EFNA5: variants seen among roughly 807,000 people sequenced by gnomAD.
EFNA5 encodes ephrin A5, also known as ephrin-A5.
In EFNA5, 5 loss-of-function variants were observed where a neutral mutation model predicts 22.9. That is an observed-to-expected ratio of 0.22 (90% confidence interval 0.11 to 0.46). EFNA5 has a LOEUF of 0.46. EFNA5 is among the 20% of genes least tolerant of loss of function. EFNA5 has a pLI of 0.99. For synonymous variants in EFNA5, 113 were observed against 112.2 expected (o/e 1.01, Z -0.04); for missense variants, 237 against 293.3 (o/e 0.81, Z 1.40).
chr5:107,547,348 G>A (rs887589123), intron 1 of EFNA5, among the ~76,000 whole-genome samples: 5 of 152,104 alleles, frequency 3.3e-5, no homozygotes, highest in Non-Finnish European at 5.9e-5. Context: ...AAATCAAGAT[G>A]GGTTTGCTGT....
chr5:107,414,637 G>C (rs1463031045), intron 2 of EFNA5, among the ~76,000 whole-genome samples: 1 of 152,076 alleles, frequency 6.6e-6, no homozygotes, highest in Non-Finnish European at 1.5e-5. Flanking sequence ...GCCTCAAGTA[G>C]AGTTTAATAA....
chr5:107,483,604 C>T (rs1374931679), intron 1 of EFNA5, among the ~76,000 whole-genome samples: 1 of 152,172 alleles, frequency 6.6e-6, no homozygotes, highest in African/African-American at 2.4e-5. Flanking sequence ...GAAATAGATA[C>T]ATATGTGTAC....
In EFNA5 at chr5:107,525,276, A is replaced by G. The variant is rs138514464; in HGVS notation, c.126-97767T>C. 8.0e-3 allele frequency among the ~76,000 whole-genome samples: 1,213 copies of G among 152,354 alleles called. 7 individuals carry two copies. The highest frequency in any genetic ancestry group is 0.012 in the Non-Finnish European group (803 of 68,030). ...ATACAGTTCTTGGCACACAGTGTAT[A>G]TAGATATGTGTGTGTGTATATATGT... On this transcript the variant is annotated intron_variant, in intron 1 of 4. Coordinates refer to ENST00000333274, the MANE Select transcript of EFNA5 (RefSeq NM_001962.3).
chr5:107,519,264 T>C (rs1471394357), intron 1 of EFNA5, among the ~76,000 whole-genome samples: 3 of 152,254 alleles, frequency 2.0e-5, no homozygotes, highest in Non-Finnish European at 2.9e-5. Context: ...GGTCCAATTG[T>C]TGATTCTGCT....
At chr5:107,516,174 TTGTG>T (rs59824895) in intron 1 of EFNA5, among the ~76,000 whole-genome samples, 10,561 of 139,576 alleles carry the variant, frequency 0.076, 460 homozygotes, top group African/African-American at 0.13. Flanking sequence ...CTGGCTAGTT[TTGTG>T]TGTGTGTGTG....
chr5:107,550,886 C>T (rs1252484795), intron 1 of EFNA5, among the ~76,000 whole-genome samples: 1 of 152,108 alleles, frequency 6.6e-6, no homozygotes, highest in Non-Finnish European at 1.5e-5. Context: ...AAATGAAAAA[C>T]AATCAGTTTC....
At chr5:107,560,808 C>T (rs1313623739) in intron 1 of EFNA5, among the ~76,000 whole-genome samples, 11 of 152,166 alleles carry the variant, frequency 7.2e-5, no homozygotes. Flanking sequence ...TTAGACAATG[C>T]ATGGAGTGAG....
At chr5:107,575,518 T>C (rs1027023214) in intron 1 of EFNA5, among the ~76,000 whole-genome samples, 1 of 152,186 alleles carries the variant, frequency 6.6e-6, no homozygotes, top group Non-Finnish European at 1.5e-5. Context: ...TCATGCAGTT[T>C]TAAATGTTTT....
rs555097601 is a variant in EFNA5, at chr5:107,517,756, T to C, written c.126-90247A>G. Among the ~76,000 whole-genome samples the C allele has an allele frequency of 3.3e-5, 5 of 152,318 alleles. No individual in the cohort carries two copies. In the East Asian group the frequency reaches 9.7e-4, roughly 29 times the overall value. ...GTGAGAACAAACGAAGCAGGCTACG[T>C]AAAAGACTTTTTCAAAAATAAGGTT... On this transcript the variant is annotated intron_variant, in intron 1 of 4. Transcript: ENST00000333274.
chr5:107,633,403 A>G (rs1276664031), intron 1 of EFNA5, among the ~76,000 whole-genome samples: 3 of 152,208 alleles, frequency 2.0e-5, no homozygotes, highest in Non-Finnish European at 4.4e-5. Flanking sequence ...ACAAGATGCC[A>G]AGTAAGCCCA....
At chr5:107,559,154 A>C (rs958855184) in intron 1 of EFNA5, among the ~76,000 whole-genome samples, 1 of 152,058 alleles carries the variant, frequency 6.6e-6, no homozygotes, top group Admixed American at 6.6e-5. Context: ...TTCCCTATGC[A>C]ACTTTCCTTC....
intron 2 of EFNA5, among the ~76,000 whole-genome samples, chr5:107,391,037 T>G (rs1044252014): frequency 6.6e-6 from 1 of 152,162 alleles, no homozygotes; most frequent in Non-Finnish European, 1.5e-5. Context: ...CACACACTTG[T>G]AATCCCAGCT....
chr5:107,384,760 C>G (rs1459066409), intron 4 of EFNA5, among the ~76,000 whole-genome samples: 1 of 136,648 alleles, frequency 7.3e-6, no homozygotes, highest in Admixed American at 8.0e-5. Context: ...TAAAGGCACA[C>G]ACACCACATT....
chr5:107,489,590 C>T (rs557214926), intron 1 of EFNA5, among the ~76,000 whole-genome samples: 1 of 151,982 alleles, frequency 6.6e-6, no homozygotes, highest in Admixed American at 6.6e-5. Flanking sequence ...CTAAAAGGTA[C>T]CTGGAACCTC....
intron 1 of EFNA5, among the ~76,000 whole-genome samples, chr5:107,554,734 G>A (rs901915376): frequency 6.6e-6 from 1 of 152,134 alleles, no homozygotes; most frequent in Non-Finnish European, 1.5e-5. Context: ...TTCACTATCA[G>A]TAATAACCCT....
chr5:107,411,812 C>T (rs1425817796), intron 2 of EFNA5, among the ~76,000 whole-genome samples: 3 of 152,172 alleles, frequency 2.0e-5, no homozygotes, highest in African/African-American at 4.8e-5. Flanking sequence ...GCTCGAGCGA[C>T]TCTCCTGCCT....
At chr5:107,515,437 G>A (rs374357329) in intron 1 of EFNA5, among the ~76,000 whole-genome samples, 103 of 148,258 alleles carry the variant, frequency 6.9e-4, no homozygotes, top group Middle Eastern at 7.6e-3. Context: ...AGAGTGCAGT[G>A]GCACAATCTC....
chr5:107,587,432 T>C (rs923422535), intron 1 of EFNA5, among the ~76,000 whole-genome samples: 17 of 152,318 alleles, frequency 1.1e-4, no homozygotes, highest in Admixed American at 4.6e-4. Context: ...AAATCAAGCA[T>C]TTACACTTGA....
Position 107,577,242 on chromosome 5 carries a change from G to A in EFNA5, c.125+93247C>T, listed in dbSNP as rs1213971849. Among the ~76,000 whole-genome samples, 3 of 152,052 alleles carry A rather than the reference G, an allele frequency of 2.0e-5. No individual in the cohort carries two copies. In the South Asian group the frequency reaches 6.2e-4, roughly 32 times the overall value. ...GGTCACTCTGAAACAAGTCAATTGT[G>A]AACATAAAACTCAAATCTTGCTTGG... On this transcript the variant is annotated intron_variant, in intron 1 of 4. Coordinates refer to ENST00000333274, the MANE Select transcript of EFNA5 (RefSeq NM_001962.3).
Sources: gnomAD v4.1 joint callset for allele counts (sites outside exome capture counted in the v4.1 genomes callset) on GRCh38, gnomAD v4.1.1 for gene constraint, MANE v1.5 for transcripts, NCBI Gene and HGNC (gene_info 2026-07-23, HGNC 2026-07-21) for gene names.